The following FER variants were observed in gnomAD, a reference collection of about 807,000 sequenced individuals.
The protein encoded by FER is tyrosine-protein kinase Fer.
Under a neutral mutation model 111.0 loss-of-function variants are expected in FER, and 63 were observed. The observed-to-expected ratio is 0.57, with a 90% confidence interval of 0.46 to 0.70. FER has a LOEUF of 0.70. Ranked by LOEUF, FER falls within the 30% of genes least tolerant of loss-of-function variation. The pLI, the probability that FER is intolerant of heterozygous loss-of-function variation, is 0.00. For synonymous variants in FER, 327 were observed against 313.9 expected (o/e 1.04, Z -0.44); for missense variants, 914 against 954.0 (o/e 0.96, Z 0.55).
intron 5 of FER, among the ~76,000 whole-genome samples, chr5:108,839,456 A>G (rs1761013813): frequency 1.3e-5 from 2 of 152,062 alleles, no homozygotes; most frequent in South Asian, 2.1e-4. Flanking sequence ...CTGAGTGAGG[A>G]GAAGGGAATG....
chr5:109,001,063 T>C (rs1473326428), intron 13 of FER, among the ~76,000 whole-genome samples: 1 of 152,196 alleles, frequency 6.6e-6, no homozygotes, highest in Non-Finnish European at 1.5e-5. Context: ...ACAGCTGAAT[T>C]CTACCAGAGG....
At chr5:108,811,876 T>C (rs1311498578) in intron 3 of FER, among the ~76,000 whole-genome samples, 2 of 152,198 alleles carry the variant, frequency 1.3e-5, no homozygotes, top group Non-Finnish European at 2.9e-5. Context: ...TCCTCCTTTT[T>C]GTTCCATTAG....
At chr5:108,965,809 C>A (rs565109877) in intron 13 of FER, among the ~76,000 whole-genome samples, 1 of 152,132 alleles carries the variant, frequency 6.6e-6, no homozygotes, top group Non-Finnish European at 1.5e-5. Context: ...TGTCCCCAAC[C>A]CACATGAAAG....
chr5:108,849,705 CT>C (rs1266288329), intron 5 of FER, among the ~76,000 whole-genome samples: 4 of 152,088 alleles, frequency 2.6e-5, no homozygotes, highest in Non-Finnish European at 4.4e-5. Flanking sequence ...ATTTTTGCTT[CT>C]TTGAATGCCT....
At chr5:108,796,519 TAG>T (rs1027046236) in intron 2 of FER, among the ~76,000 whole-genome samples, 16 of 152,024 alleles carry the variant, frequency 1.1e-4, no homozygotes, top group African/African-American at 3.6e-4. Context: ...AGCCAAGGAG[TAG>T]AGTCAAAACC....
At chr5:108,906,232 T>C (rs1314575158) in intron 10 of FER, among the ~76,000 whole-genome samples, 4 of 152,226 alleles carry the variant, frequency 2.6e-5, no homozygotes, top group African/African-American at 9.6e-5. Flanking sequence ...ATTTGATTAT[T>C]TGATGAAACA....
At chr5:108,994,226 A>G (rs1763703734) in intron 13 of FER, among the ~76,000 whole-genome samples, 1 of 151,988 alleles carries the variant, frequency 6.6e-6, no homozygotes, top group Non-Finnish European at 1.5e-5. Context: ...TTTCTGCTAG[A>G]GTTTTTATAG....
At chr5:109,132,302 G>A (rs574319234) in intron 17 of FER, among the ~76,000 whole-genome samples, 14 of 151,990 alleles carry the variant, frequency 9.2e-5, no homozygotes, top group African/African-American at 3.4e-4. Flanking sequence ...TCCTGAAAAG[G>A]GGCAACTAAA....
chr5:108,908,688 T>G (rs1751130041), intron 10 of FER, among the ~76,000 whole-genome samples: 1 of 149,770 alleles, frequency 6.7e-6, no homozygotes, highest in South Asian at 2.1e-4. Flanking sequence ...GCCATTGCAC[T>G]CTAGCCTGGG....
At chr5:108,959,457 A>AAAGC (rs1386516015) in intron 13 of FER, 110 bp downstream of exon 13, 38 of 1,082,846 alleles carry the variant, frequency 3.5e-5, no homozygotes, top group Non-Finnish European at 4.5e-5. Flanking sequence ...GTTCAGAAAA[A>AAAGC]AAGTTTTGTT....
intron 5 of FER, among the ~76,000 whole-genome samples, chr5:108,863,201 C>T (rs892953478): frequency 3.3e-5 from 5 of 152,080 alleles, no homozygotes; most frequent in African/African-American, 1.2e-4. Context: ...TTCACTGCAA[C>T]CTCCGCCTCC....
intron 10 of FER, among the ~76,000 whole-genome samples, chr5:108,927,907 A>C (rs1167433429): frequency 1.3e-5 from 2 of 152,224 alleles, no homozygotes; most frequent in Non-Finnish European, 2.9e-5. Context: ...GAAGGCTCTT[A>C]GGTCTTCTTG....
At chr5:109,080,674 C>A (rs1237930454) in intron 16 of FER, among the ~76,000 whole-genome samples, 3 of 151,400 alleles carry the variant, frequency 2.0e-5, no homozygotes, top group African/African-American at 7.3e-5. Flanking sequence ...TGGACTTGGG[C>A]CAAAAACAGT....
chr5:109,053,882 G>T (rs973675652), intron 16 of FER, among the ~76,000 whole-genome samples: 1 of 151,702 alleles, frequency 6.6e-6, no homozygotes, highest in Non-Finnish European at 1.5e-5. Flanking sequence ...TAGTACTGAC[G>T]GGGTTTCACC....
intron 11 of FER, among the ~76,000 whole-genome samples, chr5:108,947,418 T>C (rs1757132931): frequency 6.6e-6 from 1 of 152,096 alleles, no homozygotes; most frequent in African/African-American, 2.4e-5. Flanking sequence ...AGTATCTTAC[T>C]GTAGTTTTAA....
chr5:109,122,693 T>C (rs1415406368), intron 17 of FER, among the ~76,000 whole-genome samples: 7 of 152,324 alleles, frequency 4.6e-5, no homozygotes, highest in Middle Eastern at 3.4e-3. Context: ...TGTTGTTGTA[T>C]TGGGGTCTCT....
chr5:108,770,703 C>G (rs968815541), intron 2 of FER, among the ~76,000 whole-genome samples: 1 of 152,114 alleles, frequency 6.6e-6, no homozygotes, highest in Non-Finnish European at 1.5e-5. Context: ...GCATCTCACC[C>G]TTAGATGTAT....
At chr5:108,998,901 A>T (rs1382883482) in intron 13 of FER, among the ~76,000 whole-genome samples, 1 of 152,158 alleles carries the variant, frequency 6.6e-6, no homozygotes, top group Non-Finnish European at 1.5e-5. Context: ...AAAGTGATTT[A>T]TATATGTTGT....
At position 109,146,034 on chromosome 5, in the gene FER, C is replaced by G. The variant is rs565074181; in HGVS notation, c.2049-34713C>G. On this transcript the variant is annotated intron_variant, in intron 17 of 19. Transcript: ENST00000281092. ...CAGTTTTTAAGATACGTACAGATGA[C>G]ATACCAGGCAACCAATAAAAAACTA... 1.3e-4 allele frequency among the ~76,000 whole-genome samples: 19 copies of G among 151,018 alleles called. 1 individual carries two copies. The highest frequency in any genetic ancestry group is 2.4e-4 in the Non-Finnish European group (16 of 67,770).
Sources: gnomAD v4.1 joint callset for allele counts (sites outside exome capture counted in the v4.1 genomes callset) on GRCh38, gnomAD v4.1.1 for gene constraint, MANE v1.5 for transcripts, NCBI Gene and HGNC (gene_info 2026-07-23, HGNC 2026-07-21) for gene names.